DYSF: variants seen among roughly 807,000 people sequenced by gnomAD.
DYSF encodes the protein dystrophy-associated fer-1-like 1.
Under a neutral mutation model 274.9 loss-of-function variants are expected in DYSF, and 212 were observed. That is an observed-to-expected ratio of 0.77 (90% CI 0.69 to 0.86). DYSF has a LOEUF of 0.86. Among genes scored for constraint, DYSF ranks in the 40% least tolerant of loss-of-function variants. The pLI, the probability that DYSF is intolerant of heterozygous loss-of-function variation, is 0.00. For missense variants in DYSF, 2,666 were observed against 2,783.2 expected (o/e 0.96, Z 0.95); for synonymous variants, 1,091 against 1,078.7 (o/e 1.01, Z -0.22).
chr2:71,617,877 G>T (rs202145064), intron 40 of DYSF, among the ~76,000 whole-genome samples: 1 of 28,212 alleles, frequency 3.5e-5, no homozygotes, highest in Non-Finnish European at 1.1e-4. Flanking sequence ...TGGTAGAGGT[G>T]GGGTGTGTGT....
intron 3 of DYSF, among the ~76,000 whole-genome samples, chr2:71,494,633 G>A (rs1255105960): frequency 6.6e-6 from 1 of 152,140 alleles, no homozygotes; most frequent in African/African-American, 2.4e-5. Context: ...ATAACCCCAG[G>A]GCCACCACGC....
intron 41 of DYSF, among the ~76,000 whole-genome samples, chr2:71,625,449 A>T (rs1240256572): frequency 1.3e-5 from 2 of 152,136 alleles, no homozygotes; most frequent in Non-Finnish European, 2.9e-5. Flanking sequence ...ATTGATCCAC[A>T]GTGACAGCTG....
intron 3 of DYSF, among the ~76,000 whole-genome samples, chr2:71,501,916 A>G (rs1224639792): frequency 6.6e-6 from 1 of 152,172 alleles, no homozygotes; most frequent in Non-Finnish European, 1.5e-5. Flanking sequence ...TATAACTAGA[A>G]GTGGAATTGC....
intron 17 of DYSF, among the ~76,000 whole-genome samples, chr2:71,540,351 C>T (rs574445667): frequency 3.9e-5 from 6 of 152,020 alleles, no homozygotes; most frequent in South Asian, 2.1e-4. Flanking sequence ...CCTCATGATC[C>T]GCCCACCTCG....
intron 41 of DYSF, among the ~76,000 whole-genome samples, chr2:71,641,317 T>C (rs2094482443): frequency 6.6e-6 from 1 of 151,514 alleles, no homozygotes; most frequent in Admixed American, 6.6e-5. Context: ...TAGCTGGGAC[T>C]ACAGGCGCCC....
At position 71,539,301 on chromosome 2, in the gene DYSF, C is replaced by T. The variant is rs147968227; in HGVS notation, c.1576+62C>T. On this transcript the variant is annotated intron_variant, in intron 17 of 55. Transcript: ENST00000410020. Reference sequence around the variant, plus strand: ...TGCTCTCCCCCGTACCCCCTCTATCCAGCTTACACTTCTAGTTTTGAGAGT... The same window carrying T: ...TGCTCTCCCCCGTACCCCCTCTATCTAGCTTACACTTCTAGTTTTGAGAGT... The T allele has an allele frequency of 5.6e-3, 7,935 of 1,413,368 alleles. 28 individuals carry two copies. Among genetic ancestry groups the T allele is most frequent in the Non-Finnish European group, 6.9e-3 (6,842 of 997,952 alleles). 87.6% of individuals were successfully genotyped at this position (1,413,368 alleles called of 1,614,324 possible). A position where few individuals can be genotyped will look rare whatever the true frequency, so the allele number is the denominator to read the frequency against.
chr2:71,631,420 C>G (rs921222339), intron 41 of DYSF, among the ~76,000 whole-genome samples: 1 of 152,146 alleles, frequency 6.6e-6, no homozygotes, highest in Non-Finnish European at 1.5e-5. Context: ...AGTAACTGTA[C>G]TTCTTTAAAA....
chr2:71,685,586 G>A (rs889213048), intron 55 of DYSF, among the ~76,000 whole-genome samples: 2 of 152,250 alleles, frequency 1.3e-5, no homozygotes, highest in East Asian at 1.9e-4. Context: ...CAAGGACAGG[G>A]CAGCTTCCTC....
At chr2:71,511,605 A>T (rs1373589725) in intron 4 of DYSF, among the ~76,000 whole-genome samples, 1 of 152,176 alleles carries the variant, frequency 6.6e-6, no homozygotes, top group Non-Finnish European at 1.5e-5. Flanking sequence ...GAGTGGTGGA[A>T]CCTGACCCCG....
rs1027048622 is a variant in DYSF at position 71,513,637 on chromosome 2, C to T, written c.554-79C>T. The T allele has an allele frequency of 6.1e-6, 9 of 1,472,264 alleles. No homozygotes were observed. The African/African-American group carries it at 1.1e-4, about 18-fold the overall frequency. 91.2% of individuals were successfully genotyped at this position (1,472,264 alleles called of 1,614,324 possible). A position where few individuals can be genotyped will look rare whatever the true frequency, so the allele number is the denominator to read the frequency against. The stretch of plus-strand genomic sequence containing the variant: ...GGCCCATGCCTTTTGGATCTTCTGC[C>T]CCCTGGGCTGGGTCCCAGGGGCAGG... On this transcript the variant is annotated intron_variant, in intron 6 of 55. Transcript: ENST00000410020.
intron 54 of DYSF, among the ~76,000 whole-genome samples, chr2:71,682,179 A>G (rs1017004666): frequency 5.3e-5 from 8 of 151,968 alleles, no homozygotes; most frequent in Non-Finnish European, 7.4e-5. Flanking sequence ...ACTTTGAAGC[A>G]CTGCCCAGCT....
intron 41 of DYSF, among the ~76,000 whole-genome samples, chr2:71,636,908 G>A (rs560646377): frequency 6.6e-6 from 1 of 152,270 alleles, no homozygotes; most frequent in Admixed American, 6.5e-5. Flanking sequence ...GTGGAGCTCT[G>A]CAAGGCGAGG....
chr2:71,509,108 G>A (rs1474248862), intron 4 of DYSF, among the ~76,000 whole-genome samples: 3 of 151,974 alleles, frequency 2.0e-5, no homozygotes, highest in Non-Finnish European at 4.4e-5. Flanking sequence ...CACCCACCTC[G>A]GCCTCCCAAA....
At chr2:71,525,378 C>T (rs1315249850) in intron 12 of DYSF, among the ~76,000 whole-genome samples, 4 of 152,096 alleles carry the variant, frequency 2.6e-5, no homozygotes, top group Admixed American at 2.6e-4. Flanking sequence ...TGCATGCCAC[C>T]ATGCCTGGCT....
chr2:71,590,115 G>A, intron 31 of DYSF, 96 bp from the exon 32 acceptor site: 1 of 1,234,282 alleles, frequency 8.1e-7, no homozygotes, highest in South Asian at 1.2e-5. Context: ...TCTGTCTGCT[G>A]CCCTTTCTAG....
chr2:71,683,367 G>T (rs562486457), intron 55 of DYSF, among the ~76,000 whole-genome samples: 83 of 152,272 alleles, frequency 5.5e-4, no homozygotes, highest in Middle Eastern at 6.8e-3. Context: ...GGGGAGGAAG[G>T]TCCCTGCCTG....
In DYSF at chr2:71,590,255, G is replaced by A. The variant is rs139194093; in HGVS notation, c.3541G>A (p.Asp1181Asn). ...HLRCYMYQAR[D>N]LAAMDKDSFS... Reference sequence around the variant, plus strand: ...ACGCTGCTACATGTACCAGGCCCGGGACCTGGCTGCGATGGACAAGGACTC... The same window carrying A: ...ACGCTGCTACATGTACCAGGCCCGGAACCTGGCTGCGATGGACAAGGACTC... Residue 1181 changes from aspartate (D) to asparagine (N), a missense_variant, in exon 32 of 56, where the codon GAC becomes AAC. By Grantham distance (23) the Asp-to-Asn change is conservative. Around this residue, in one of 3 missense-constraint regions of DYSF, gnomAD observed 1,460 missense variants for 1,502.1 expected, o/e 0.97. Coordinates refer to ENST00000410020, the MANE Select transcript of DYSF (RefSeq NM_001130987.2). 430 of 1,614,172 alleles carry A rather than the reference G, an allele frequency of 2.7e-4. No homozygotes were observed. The highest frequency in any genetic ancestry group is 3.5e-4 in the Non-Finnish European group (414 of 1,180,024).
In DYSF at chr2:71,528,391, C is replaced by A; in HGVS notation, c.1370C>A (p.Ala457Glu). The A allele has an allele frequency of 6.2e-7, 1 of 1,613,632 alleles. No individual in the cohort carries two copies. Among genetic ancestry groups the A allele is most frequent in the Non-Finnish European group, 8.5e-7 (1 of 1,179,726 alleles). Residue 457 changes from alanine to glutamate, a missense_variant, in exon 14 of 56, where the codon GCG becomes GAG. By Grantham distance (107) the Ala-to-Glu change is moderately radical (BLOSUM62 -1). Transcript: ENST00000410020. ...LVDPFVEVSF[A>E]GKMLCSKILE... ...GACCCCTTTGTGGAGGTCAGCTTTG[C>A]GGGGAAAATGGTAAGGAGCAAGGGA...
intron 30 of DYSF, among the ~76,000 whole-genome samples, 197 bp downstream of exon 30, chr2:71,574,568 A>G (rs2092637265): frequency 6.6e-6 from 1 of 152,178 alleles, no homozygotes; most frequent in African/African-American, 2.4e-5. Flanking sequence ...TTCTAAAATG[A>G]AAAAGCTCCT....
Sources: gnomAD v4.1 joint callset for allele counts (sites outside exome capture counted in the v4.1 genomes callset) on GRCh38, gnomAD v4.1.1 for gene constraint, gnomAD v4.1.1 regional missense constraint, MANE v1.5 for transcripts, NCBI Gene and HGNC (gene_info 2026-07-23, HGNC 2026-07-21) for gene names.